Variants in PLCB1 observed in about 807,000 individuals in gnomAD.
PLCB1 encodes the protein 1-phosphatidylinositol 4,5-bisphosphate phosphodiesterase beta-1.
Under a neutral mutation model 161.8 loss-of-function variants are expected in PLCB1, and 46 were observed. That is an observed-to-expected ratio of 0.28 (90% CI 0.22 to 0.36). PLCB1 has a LOEUF of 0.36. Ranked by LOEUF, PLCB1 falls within the 10% of genes least tolerant of loss-of-function variation. The pLI is 1.00. For synonymous variants in PLCB1, 517 were observed against 503.7 expected (o/e 1.03, Z -0.35); for missense variants, 1,016 against 1,472.5 (o/e 0.69, Z 5.07).
chr20:8,538,795 CTT>C (rs3032826), intron 3 of PLCB1, among the ~76,000 whole-genome samples: 27 of 141,586 alleles, frequency 1.9e-4, no homozygotes, highest in African/African-American at 2.3e-4. Context: ...TTACAGCTAA[CTT>C]TTTTTTTTTT....
intron 9 of PLCB1, among the ~76,000 whole-genome samples, chr20:8,669,959 C>T (rs1388030873): frequency 1.3e-5 from 2 of 152,214 alleles, no homozygotes; most frequent in African/African-American, 2.4e-5. Flanking sequence ...GGAGCTAGAA[C>T]ATTTTTCCTC....
At chr20:8,782,089 G>A (rs1983268710) in intron 27 of PLCB1, among the ~76,000 whole-genome samples, 1 of 152,080 alleles carries the variant, frequency 6.6e-6, no homozygotes, top group Non-Finnish European at 1.5e-5. Flanking sequence ...ACTCAAATAA[G>A]CAGCTATTTT....
chr20:8,722,719 A>G (rs1200453281), intron 15 of PLCB1, among the ~76,000 whole-genome samples: 1 of 152,184 alleles, frequency 6.6e-6, no homozygotes, highest in Non-Finnish European at 1.5e-5. Context: ...TAGCTCAAAA[A>G]TATTAATTGC....
chr20:8,651,371 AAG>A (rs1345973996), intron 7 of PLCB1: 1 of 695,710 alleles, frequency 1.4e-6, no homozygotes, highest in Non-Finnish European at 2.7e-6. Context: ...GGTCACAAGA[AAG>A]AAATAAGAGC....
chr20:8,421,073 G>A (rs1159035435), intron 3 of PLCB1, among the ~76,000 whole-genome samples: 1 of 152,190 alleles, frequency 6.6e-6, no homozygotes, highest in Non-Finnish European at 1.5e-5. Flanking sequence ...ATAGGCCTCA[G>A]ATTTCCTAGT....
chr20:8,266,961 T>G (rs1981988642), intron 2 of PLCB1, among the ~76,000 whole-genome samples: 1 of 150,558 alleles, frequency 6.6e-6, no homozygotes, highest in Admixed American at 6.6e-5. Context: ...CGCTTGAACC[T>G]GGGAGGCGGA....
chr20:8,218,351 G>A (rs990063680), intron 2 of PLCB1, among the ~76,000 whole-genome samples: 2 of 152,094 alleles, frequency 1.3e-5, no homozygotes, highest in Non-Finnish European at 2.9e-5. Flanking sequence ...TGAGGCAGTG[G>A]TAGAGCTAAC....
At chr20:8,384,424 A>G (rs1223967143) in intron 3 of PLCB1, among the ~76,000 whole-genome samples, 1 of 151,672 alleles carries the variant, frequency 6.6e-6, no homozygotes, top group Admixed American at 6.6e-5. Context: ...AGCTCCTCTA[A>G]CCTTTTATCA....
rs376297068 is a variant in PLCB1 at position 8,845,769 on chromosome 20, C to G, written c.3424-35853C>G. On this transcript the variant is annotated intron_variant, in intron 31 of 31. Transcript: ENST00000338037. ...CAGGAAGGAAAAAAAAAGAAAATCACTAAGCACACAGAGGATTTGTTTAAC... is the reference window on the plus strand; with the variant it reads ...CAGGAAGGAAAAAAAAAGAAAATCAGTAAGCACACAGAGGATTTGTTTAAC... Among the ~76,000 whole-genome samples, 126 of 152,248 alleles carry G rather than the reference C, an allele frequency of 8.3e-4. 1 individual carries two copies. The highest frequency in any genetic ancestry group is 2.9e-3 in the African/African-American group (120 of 41,520).
At chr20:8,296,464 A>G (rs535458637) in intron 2 of PLCB1, among the ~76,000 whole-genome samples, 21 of 152,228 alleles carry the variant, frequency 1.4e-4, no homozygotes, top group Non-Finnish European at 2.8e-4. Flanking sequence ...AGCTCTCTAC[A>G]TTTTGTCTAG....
rs540401579 is a variant in PLCB1, at chr20:8,852,115, T to G, written c.3424-29507T>G. ...AAAATAGGCTGCTGTCTCAGTTCAT[T>G]CCTGCTGCCAGGTTTTATCTCTGCC... is the stretch of plus-strand genomic sequence containing the variant. On this transcript the variant is annotated intron_variant, in intron 31 of 31. Transcript: ENST00000338037. Among the ~76,000 whole-genome samples the G allele has an allele frequency of 7.9e-5, 12 of 152,334 alleles. 1 individual carries two copies. In the South Asian group the frequency reaches 2.5e-3, roughly 32 times the overall value.
intron 2 of PLCB1, among the ~76,000 whole-genome samples, chr20:8,344,761 C>T (rs1167263197): frequency 6.6e-6 from 1 of 152,230 alleles, no homozygotes; most frequent in Non-Finnish European, 1.5e-5. Context: ...CTCACAAAGG[C>T]AATTGACTTG....
chr20:8,187,656 A>G (rs1445082866), intron 2 of PLCB1, among the ~76,000 whole-genome samples: 1 of 152,108 alleles, frequency 6.6e-6, no homozygotes, highest in East Asian at 1.9e-4. Context: ...CAGATCTGCA[A>G]TGTGGATGCT....
chr20:8,660,729 A>G (rs1001312603), intron 9 of PLCB1, among the ~76,000 whole-genome samples: 3 of 152,208 alleles, frequency 2.0e-5, no homozygotes, highest in Non-Finnish European at 4.4e-5. Flanking sequence ...TATGAATTTC[A>G]AATCGAAAGA....
intron 3 of PLCB1, among the ~76,000 whole-genome samples, chr20:8,585,193 A>T (rs887767725): frequency 3.3e-5 from 5 of 152,138 alleles, no homozygotes; most frequent in African/African-American, 1.2e-4. Flanking sequence ...CTCTAGGTCC[A>T]TTTCTAGATG....
At chr20:8,210,061 C>T (rs1390780726) in intron 2 of PLCB1, among the ~76,000 whole-genome samples, 1 of 151,962 alleles carries the variant, frequency 6.6e-6, no homozygotes, top group African/African-American at 2.4e-5. Flanking sequence ...TTGTCTTGCA[C>T]TCCTGGCCTG....
chr20:8,648,829 T>C (rs1247821112), intron 6 of PLCB1, among the ~76,000 whole-genome samples: 1 of 151,718 alleles, frequency 6.6e-6, no homozygotes, highest in Non-Finnish European at 1.5e-5. Context: ...TAGTTCTAAC[T>C]ACTAGGGAGG....
chr20:8,334,908 C>T (rs1401597498), intron 2 of PLCB1, among the ~76,000 whole-genome samples: 4 of 152,176 alleles, frequency 2.6e-5, no homozygotes, highest in African/African-American at 9.7e-5. Flanking sequence ...TTCTCAGGTG[C>T]TCTTGGCAAT....
intron 4 of PLCB1, among the ~76,000 whole-genome samples, chr20:8,632,035 C>CTTTTTTTTTGTTTT: frequency 2.2e-5 from 1 of 45,984 alleles, no homozygotes; most frequent in Non-Finnish European, 3.7e-5. Flanking sequence ...GTTTTTTTTG[C>CTTTTTTTTTGTTTT]TTTTTTTTTT....
Sources: gnomAD v4.1 joint callset for allele counts (sites outside exome capture counted in the v4.1 genomes callset) on GRCh38, gnomAD v4.1.1 for gene constraint, MANE v1.5 for transcripts, NCBI Gene and HGNC (gene_info 2026-07-23, HGNC 2026-07-21) for gene names.